The following FAM20B variants were observed in gnomAD, a reference collection of about 807,000 sequenced individuals.
FAM20B encodes the protein glycosaminoglycan xylosylkinase.
In FAM20B, 23 loss-of-function variants were observed where a neutral mutation model predicts 43.8. That is an observed-to-expected ratio of 0.53 (90% confidence interval 0.38 to 0.74). The LOEUF (loss-of-function observed/expected upper bound fraction) is 0.74, where lower values mean the gene tolerates loss of function less well. Ranked by LOEUF, FAM20B falls within the 30% of genes least tolerant of loss-of-function variation. The probability of loss-of-function intolerance (pLI) is 0.00; values close to 1 mark genes in which losing one functional copy is unlikely to be tolerated. For synonymous variants in FAM20B, 178 were observed against 192.4 expected, an observed-to-expected ratio of 0.93 and a Z score of 0.62; for missense variants, 440 against 510.5, an observed-to-expected ratio of 0.86 and a Z score of 1.33.
chr1:179,071,072 A>G (rs945624236), intron 7 of FAM20B, among the ~76,000 whole-genome samples: 30 of 151,712 alleles, frequency 2.0e-4, no homozygotes, highest in African/African-American at 7.0e-4. Flanking sequence ...AGGCGGGCGG[A>G]TCACGAGGTC....
chr1:179,058,508 C>T (rs1651320542), intron 4 of FAM20B, among the ~76,000 whole-genome samples: 1 of 152,160 alleles, frequency 6.6e-6, no homozygotes, highest in African/African-American at 2.4e-5. Context: ...GGAGACTGTG[C>T]TGTTTAGCTG....
chr1:179,059,469 A>G (rs535050664), intron 4 of FAM20B, among the ~76,000 whole-genome samples: 11 of 152,214 alleles, frequency 7.2e-5, no homozygotes, highest in Admixed American at 5.2e-4. Context: ...TTGCAATCTC[A>G]TCATTAAACT....
chr1:179,041,979 C>G (rs1490690115), intron 1 of FAM20B, among the ~76,000 whole-genome samples: 1 of 152,160 alleles, frequency 6.6e-6, no homozygotes, highest in Non-Finnish European at 1.5e-5. Flanking sequence ...CTCATGGCTC[C>G]TAGATGGCTT....
At position 179,075,431 on chromosome 1, in the gene FAM20B, A is replaced by G. The variant is rs1347438643; in HGVS notation, c.*3287A>G. ...CAACTTGTTAAAACATGTTTATTCT[A>G]AAGTTCGAATGGATAAATTTGAGTA... On this transcript the variant is annotated 3_prime_UTR_variant, in exon 8 of 8. Transcript: ENST00000263733. 1.3e-5 allele frequency: 2 copies of G among 152,456 alleles called. No individual in the cohort carries two copies. Among genetic ancestry groups the G allele is most frequent in the South Asian group, 2.1e-4 (1 of 4,826 alleles). The allele number at this position is 152,456 out of a possible 1,614,324, so 9.4% of individuals were successfully genotyped here. A position where few individuals can be genotyped will look rare whatever the true frequency, so the allele number is the denominator to read the frequency against.
chr1:179,053,523 T>C (rs1038926237), intron 3 of FAM20B, among the ~76,000 whole-genome samples: 1 of 152,154 alleles, frequency 6.6e-6, no homozygotes, highest in Non-Finnish European at 1.5e-5. Flanking sequence ...TCTTGATACT[T>C]TTCTGCTTTG....
chr1:179,018,938 C>T, the FAM20B span, among the ~76,000 whole-genome samples: 101 of 152,324 alleles, frequency 6.6e-4, no homozygotes, highest in African/African-American at 2.1e-3. Context: ...GTATAGATTG[C>T]AGTCCAGATC....
intron 1 of FAM20B, among the ~76,000 whole-genome samples, chr1:179,027,571 CCCTTT>C (rs1572523904): frequency 2.0e-5 from 3 of 152,354 alleles, no homozygotes. Flanking sequence ...CAGCAGGAGT[CCCTTT>C]CCCATTTGAA....
Position 179,050,297 on chromosome 1 carries a change from G to C in FAM20B, c.396G>C (p.Val132=). The C allele has an allele frequency of 1.2e-6, 2 of 1,613,650 alleles. No individual in the cohort carries two copies. Among genetic ancestry groups the C allele is most frequent in the African/African-American group, 1.3e-5 (1 of 75,032 alleles). Residue 132 remains valine (V), a synonymous_variant, in exon 3 of 8, where the codon GTG becomes GTC. Coordinates refer to ENST00000263733, the MANE Select transcript of FAM20B (RefSeq NM_014864.4). ...TTTGCAGGTATAGCCGAGACCATGTGGTGGAAGGGGAACCGTATGCTGGTT... is the reference window on the plus strand; with the variant it reads ...TTTGCAGGTATAGCCGAGACCATGTCGTGGAAGGGGAACCGTATGCTGGTT... ...FKPKRYSRDH[V]VEGEPYAGYD...
intron 3 of FAM20B, among the ~76,000 whole-genome samples, chr1:179,050,772 A>G (rs930282980): frequency 7.2e-5 from 11 of 152,246 alleles, no homozygotes; most frequent in Admixed American, 3.9e-4. Flanking sequence ...AGCATGAAAT[A>G]TGAGTTTTAT....
At chr1:179,022,736 C>T (rs1209529989), upstream of FAM20B, among the ~76,000 whole-genome samples, 1 of 152,120 alleles carries the variant, frequency 6.6e-6, no homozygotes, top group Non-Finnish European at 1.5e-5. Flanking sequence ...GGGCCATGTG[C>T]AGTGTTAGTG....
chr1:179,052,943 T>C (rs895267003), intron 3 of FAM20B, among the ~76,000 whole-genome samples: 2 of 152,238 alleles, frequency 1.3e-5, no homozygotes, highest in Non-Finnish European at 2.9e-5. Flanking sequence ...TTTGTTGATA[T>C]ATATGTAAAG....
At chr1:179,026,784 T>G (rs1239456575) in intron 1 of FAM20B, among the ~76,000 whole-genome samples, 1 of 152,246 alleles carries the variant, frequency 6.6e-6, no homozygotes, top group East Asian at 1.9e-4. Flanking sequence ...ACCGATACGT[T>G]TCCCTTAATG....
At chr1:179,037,553 C>T (rs1479728533) in intron 1 of FAM20B, among the ~76,000 whole-genome samples, 1 of 133,984 alleles carries the variant, frequency 7.5e-6, no homozygotes, top group Non-Finnish European at 1.5e-5. Context: ...GGCACGATCT[C>T]AGCTCACTGC....
chr1:179,021,212 T>A (rs145734186), upstream of FAM20B, among the ~76,000 whole-genome samples: 4 of 152,310 alleles, frequency 2.6e-5, no homozygotes, highest in African/African-American at 7.2e-5. Flanking sequence ...TTCCTGGCTT[T>A]CCAAGCAGGG....
chr1:179,064,522 C>G, intron 6 of FAM20B, 26 bp downstream of exon 6: 2 of 1,572,000 alleles, frequency 1.3e-6, no homozygotes, highest in Non-Finnish European at 1.7e-6. Flanking sequence ...CTGTCCTTGT[C>G]AGGGAGGGGT....
intron 1 of FAM20B, among the ~76,000 whole-genome samples, chr1:179,037,921 A>G (rs1650318156): frequency 6.6e-6 from 1 of 152,188 alleles, no homozygotes; most frequent in Non-Finnish European, 1.5e-5. Flanking sequence ...AAAGGACACA[A>G]ACTTGGATTG....
At chr1:179,049,343 C>T (rs1210588469) in intron 2 of FAM20B, among the ~76,000 whole-genome samples, 3 of 152,120 alleles carry the variant, frequency 2.0e-5, no homozygotes, top group Non-Finnish European at 2.9e-5. Flanking sequence ...GACAGCCACA[C>T]CAACCTCCCA....
rs1163621651 is a variant in FAM20B, at chr1:179,074,743, G to C, written c.*2599G>C. 1 of 152,182 alleles carries C rather than the reference G, an allele frequency of 6.6e-6. No individual in the cohort carries two copies. Among genetic ancestry groups the C allele is most frequent in the Non-Finnish European group, 1.5e-5 (1 of 68,044 alleles). The allele number at this position is 152,182 out of a possible 1,614,324, so 9.4% of individuals were successfully genotyped here. A position where few individuals can be genotyped will look rare whatever the true frequency, so the allele number is the denominator to read the frequency against. ...ATAAAGTTAGAATTGAGCTAATAGA[G>C]TGGTATGACATGGCACTAAAAATAT... On this transcript the variant is annotated 3_prime_UTR_variant, in exon 8 of 8. Transcript: ENST00000263733.
intron 4 of FAM20B, among the ~76,000 whole-genome samples, chr1:179,056,597 A>G (rs1338440633): frequency 6.6e-6 from 1 of 152,208 alleles, no homozygotes; most frequent in African/African-American, 2.4e-5. Flanking sequence ...AGCTGCCATA[A>G]ACATCTGTGT....
Sources: gnomAD v4.1 joint callset for allele counts (sites outside exome capture counted in the v4.1 genomes callset) on GRCh38, gnomAD v4.1.1 for gene constraint, MANE v1.5 for transcripts, NCBI Gene and HGNC (gene_info 2026-07-23, HGNC 2026-07-21) for gene names.